BANK1: variants seen among roughly 807,000 people sequenced by gnomAD.
BANK1 encodes the protein B cell scaffold protein with ankyrin repeats 1.
BANK1 carries 95 observed loss-of-function variants against 94.5 expected under a neutral mutation model. That is an observed-to-expected ratio of 1.00 (90% confidence interval 0.85 to 1.19). The LOEUF is 1.19. Ranked by LOEUF, BANK1 falls within the 50% of genes most tolerant of loss-of-function variation. BANK1 has a pLI of 0.00. For synonymous variants in BANK1, 334 were observed against 308.4 expected (o/e 1.08, Z -0.87); for missense variants, 987 against 932.2 (o/e 1.06, Z -0.77).
At chr4:101,873,856 G>C (rs1344397872) in intron 5 of BANK1, among the ~76,000 whole-genome samples, 1 of 152,074 alleles carries the variant, frequency 6.6e-6, no homozygotes, top group Non-Finnish European at 1.5e-5. Flanking sequence ...ATTGAACTAA[G>C]GTAATTAAAA....
intron 2 of BANK1, among the ~76,000 whole-genome samples, chr4:101,832,891 C>T (rs1312169652): frequency 2.0e-5 from 3 of 151,578 alleles, no homozygotes; most frequent in African/African-American, 7.3e-5. Context: ...TTTTTCCCTC[C>T]CTTCCTCCCT....
Position 102,068,551 on chromosome 4 carries a change from G to A in BANK1, c.2213-2724G>A, listed in dbSNP as rs546576162. On this transcript the variant is annotated intron_variant, in intron 13 of 16. Coordinates refer to ENST00000322953, the MANE Select transcript of BANK1 (RefSeq NM_017935.5). ...GGCCAGGCACAGTGGCTCTGGCCGG[G>A]TATGGTGGCTCACGCCTGTGATCCC... is the stretch of plus-strand genomic sequence containing the variant. Among the ~76,000 whole-genome samples the A allele has an allele frequency of 4.6e-5, 7 of 152,320 alleles. No individual in the cohort carries two copies. In the South Asian group the frequency reaches 1.4e-3, roughly 32 times the overall value.
In BANK1 at chr4:102,053,389, T is replaced by TTAC. The variant is rs1553945357; in HGVS notation, c.1970-6822_1970-6821insTAC. Among the ~76,000 whole-genome samples the TTAC allele has an allele frequency of 3.3e-5, 5 of 152,150 alleles. No homozygotes were observed. The East Asian group carries it at 9.6e-4, about 29-fold the overall frequency. On this transcript the variant is annotated intron_variant, in intron 11 of 16. Transcript: ENST00000322953. ...TCTTAAAAGTATTGAGCAAGTACTT[T>TTAC]AACTTACATTTTCTACTAAAATAAA...
At chr4:101,810,354 C>A (rs1725698429) in intron 1 of BANK1, among the ~76,000 whole-genome samples, 1 of 152,130 alleles carries the variant, frequency 6.6e-6, no homozygotes, top group Admixed American at 6.5e-5. Flanking sequence ...CATTAGGAAA[C>A]ATACAGATAT....
chr4:101,910,458 G>A (rs1291068908), intron 6 of BANK1, among the ~76,000 whole-genome samples: 1 of 151,948 alleles, frequency 6.6e-6, no homozygotes, highest in Non-Finnish European at 1.5e-5. Flanking sequence ...GAGGCGGGCT[G>A]ATCACCTGAG....
In BANK1 at chr4:101,870,527, T is replaced by C. The variant is rs1728243302; in HGVS notation, c.786T>C (p.His262=). Residue 262 remains histidine (H), a synonymous_variant, in exon 5 of 17, where the codon CAT becomes CAC. Transcript: ENST00000322953. ...KALEFPAGSV[H]VNVYCDGIVK... is the part of the protein sequence containing the mutation. ...AAGAGTTTCCTGCTGGTTCAGTCCA[T>C]GTCAATGTCTACTGTGATGGAATCG... 1.2e-6 allele frequency: 2 copies of C among 1,612,528 alleles called. No homozygotes were observed. The highest frequency in any genetic ancestry group is 1.7e-6 in the Non-Finnish European group (2 of 1,179,064).
chr4:101,849,838 A>G (rs1303676422), intron 2 of BANK1, among the ~76,000 whole-genome samples: 1 of 152,212 alleles, frequency 6.6e-6, no homozygotes, highest in Non-Finnish European at 1.5e-5. Flanking sequence ...GGATTTTTCT[A>G]TTGAATTTAC....
intron 7 of BANK1, among the ~76,000 whole-genome samples, chr4:101,969,449 G>A (rs1242117419): frequency 6.6e-6 from 1 of 152,032 alleles, no homozygotes; most frequent in Non-Finnish European, 1.5e-5. Flanking sequence ...TGATTAATGT[G>A]CATAGCCAAA....
intron 10 of BANK1, among the ~76,000 whole-genome samples, chr4:102,031,376 C>T (rs1428362552): frequency 6.6e-6 from 1 of 152,120 alleles, no homozygotes; most frequent in Non-Finnish European, 1.5e-5. Flanking sequence ...AATTTTCTCC[C>T]ACTCTGTAGG....
At chr4:101,937,433 A>T (rs1723605782) in intron 7 of BANK1, among the ~76,000 whole-genome samples, 1 of 152,028 alleles carries the variant, frequency 6.6e-6, no homozygotes, top group Non-Finnish European at 1.5e-5. Flanking sequence ...GACAAAGGAT[A>T]TGAACAGACA....
chr4:101,964,456 T>A (rs966920703), intron 7 of BANK1, among the ~76,000 whole-genome samples: 2 of 152,126 alleles, frequency 1.3e-5, no homozygotes, highest in Admixed American at 6.6e-5. Flanking sequence ...TTTCTGGCTG[T>A]TAGAATGTCC....
At chr4:101,860,878 T>C (rs1408186008) in intron 3 of BANK1, among the ~76,000 whole-genome samples, 1 of 152,144 alleles carries the variant, frequency 6.6e-6, no homozygotes, top group Non-Finnish European at 1.5e-5. Context: ...ACAGGAAAGA[T>C]CTTTGAACTT....
chr4:101,947,654 A>T (rs1578414728), intron 7 of BANK1, among the ~76,000 whole-genome samples: 1 of 151,888 alleles, frequency 6.6e-6, no homozygotes, highest in Admixed American at 6.6e-5. Context: ...AATATAATCC[A>T]TAAGATTAAA....
intron 3 of BANK1, 29 bp downstream of exon 3, chr4:101,855,218 G>T: frequency 6.3e-7 from 1 of 1,599,214 alleles, no homozygotes; most frequent in South Asian, 1.1e-5. Context: ...TTATTTAAGT[G>T]ACCCCATTGT....
intron 7 of BANK1, among the ~76,000 whole-genome samples, chr4:101,956,844 G>T (rs1724364604): frequency 6.6e-6 from 1 of 152,132 alleles, no homozygotes; most frequent in Non-Finnish European, 1.5e-5. Context: ...AAAGCTCAGG[G>T]TCCTCATAGT....
intron 7 of BANK1, among the ~76,000 whole-genome samples, chr4:101,947,365 A>G (rs1399741890): frequency 6.8e-6 from 1 of 146,224 alleles, no homozygotes; most frequent in South Asian, 2.2e-4. Flanking sequence ...GACACTCTTC[A>G]TCTGGTAAAG....
intron 7 of BANK1, among the ~76,000 whole-genome samples, chr4:101,999,991 A>G (rs1726006317): frequency 1.3e-5 from 2 of 152,220 alleles, no homozygotes; most frequent in Non-Finnish European, 1.5e-5. Flanking sequence ...TTGGGTGACC[A>G]TAGAATATAC....
chr4:102,027,416 TATTTA>T (rs1727141272), intron 9 of BANK1, among the ~76,000 whole-genome samples: 1 of 152,122 alleles, frequency 6.6e-6, no homozygotes, highest in Non-Finnish European at 1.5e-5. Flanking sequence ...AAAACTCACT[TATTTA>T]ATTTAAAAAC....
intron 7 of BANK1, among the ~76,000 whole-genome samples, chr4:101,995,252 A>G (rs2148933790): frequency 6.6e-6 from 1 of 152,238 alleles, no homozygotes; most frequent in South Asian, 2.1e-4. Context: ...AACTTCACCT[A>G]TGTCCCTGCA....
Sources: allele counts gnomAD v4.1 joint callset (sites outside exome capture counted in the v4.1 genomes callset), GRCh38; gene constraint gnomAD v4.1.1; transcripts MANE v1.5; gene names NCBI Gene and HGNC (gene_info 2026-07-23, HGNC 2026-07-21).